The following DLL1 variants were observed in gnomAD, a reference collection of about 807,000 sequenced individuals.
The protein encoded by DLL1 is delta like canonical Notch ligand 1, also known as delta-like protein 1.
DLL1 carries 9 observed loss-of-function variants against 75.1 expected under a neutral mutation model. The ratio of observed to expected loss-of-function variants is 0.12; its 90% CI spans 0.07 to 0.21. The LOEUF is 0.21. Ranked by LOEUF, DLL1 falls within the 10% of genes least tolerant of loss-of-function variation. The pLI is 1.00. For synonymous variants in DLL1, 477 were observed against 418.3 expected, an observed-to-expected ratio of 1.14 and a Z score of -1.71; for missense variants, 837 against 1,007.6, an observed-to-expected ratio of 0.83 and a Z score of 2.29.
In DLL1 at chr6:170,290,221, C is replaced by T; in HGVS notation, c.-82G>A. Reference sequence around the variant, plus strand: ...GGCGGACGCGCGGGGGATCGATGGGCCACGGGGAGCGTGGGCAGAAAAGCG... The same window carrying T: ...GGCGGACGCGCGGGGGATCGATGGGTCACGGGGAGCGTGGGCAGAAAAGCG... On this transcript the variant is annotated 5_prime_UTR_variant, in exon 1 of 11. Coordinates refer to ENST00000366756, the MANE Select transcript of DLL1 (RefSeq NM_005618.4). This position sits in a 1 kb window ranked among gnomAD's most constrained non-coding sequence, Gnocchi z 4.7. 6.5e-7 allele frequency: 1 copy of T among 1,527,582 alleles called. No individual in the cohort carries two copies. The highest frequency in any genetic ancestry group is 1.2e-5 in the South Asian group (1 of 85,988). The allele number at this position is 1,527,582 out of a possible 1,614,324, so 94.6% of individuals were successfully genotyped here.
Position 170,289,747 on chromosome 6 carries a change from A to C in DLL1, c.116T>G (p.Leu39Arg). ...LQEFVNKKGL[L>R]GNRNCCRGGA... ...CCCGCGGCAGCAGTTGCGGTTCCCC[A>C]GCAGCCCCTTCTTGTTGACGAACTC... The change falls in exon 2 of 11, where the codon CTG becomes CGG. Residue 39 changes from leucine (L) to arginine (R), a missense_variant. By Grantham distance (102) the Leu-to-Arg change is moderately radical. This residue lies in a region of DLL1 where 304 missense variants were observed against 461.9 expected (regional missense o/e 0.66). Transcript: ENST00000366756. 1 of 1,552,668 alleles carries C rather than the reference A, an allele frequency of 6.4e-7. No homozygotes were observed. Among genetic ancestry groups the C allele is most frequent in the South Asian group, 1.2e-5 (1 of 84,272 alleles).
intron 4 of DLL1, 150 bp downstream of exon 4, chr6:170,288,089 T>A (rs1783745692): frequency 3.4e-6 from 4 of 1,187,560 alleles, no homozygotes; most frequent in East Asian, 5.2e-5. Flanking sequence ...AGCTGTGACT[T>A]ATAGCAATCC....
At chr6:170,284,406 A>G (rs1234226329) in intron 8 of DLL1, among the ~76,000 whole-genome samples, 2 of 151,498 alleles carry the variant, frequency 1.3e-5, no homozygotes, top group East Asian at 2.0e-4. Context: ...AGGAGCAGGC[A>G]CTGACAACAG....
At chr6:170,286,754 CCTCCCCCG>C (rs1783703512) in intron 4 of DLL1, among the ~76,000 whole-genome samples, 1 of 152,042 alleles carries the variant, frequency 6.6e-6, no homozygotes, top group African/African-American at 2.4e-5. Flanking sequence ...ACAATGCCGG[CCTCCCCCG>C]CGCCCCCGGC....
Position 170,283,232 on chromosome 6 carries a change from C to T in DLL1, c.2047G>A (p.Gly683Ser), listed in dbSNP as rs1167703052. 5 of 1,612,812 alleles carry T rather than the reference C, an allele frequency of 3.1e-6. No individual in the cohort carries two copies. Among genetic ancestry groups the T allele is most frequent in the Non-Finnish European group, 4.2e-6 (5 of 1,179,860 alleles). ...EEKGTPTTLRGGEASERKRPD... is the reference protein window; with the variant it reads ...EEKGTPTTLRSGEASERKRPD... ...TGATGCCCGGCCCGCAGCACGCACC[C>T]CCTGAGTGTGGTCGGGGTCCCCTTC... is the stretch of plus-strand genomic sequence containing the variant. The change falls in exon 9 of 11, where the codon GGT becomes AGT. Residue 683 changes from glycine (G) to serine (S), a missense_variant and splice_region_variant. Gly to Ser is a moderately conservative substitution (Grantham distance 56, BLOSUM62 0). Coordinates refer to ENST00000366756, the MANE Select transcript of DLL1 (RefSeq NM_005618.4).
In DLL1 at chr6:170,288,711, T is replaced by G. The variant is rs1320776926; in HGVS notation, c.412+18A>C. The G allele has an allele frequency of 2.8e-5, 45 of 1,613,800 alleles. No homozygotes were observed. Among genetic ancestry groups the G allele is most frequent in the Non-Finnish European group, 3.8e-5 (45 of 1,179,954 alleles). ...TTAACTGGGGAAAGCAGTTTTGGGG[T>G]TTGGGTTTTGTTTTTACCTGTTGCG... On this transcript the variant is annotated intron_variant, in intron 3 of 10. Coordinates refer to ENST00000366756, the MANE Select transcript of DLL1 (RefSeq NM_005618.4).
rs201096307 is a variant in DLL1 at position 170,283,398 on chromosome 6, G to A, written c.1881C>T (p.Ala627=). 6.5e-5 allele frequency: 105 copies of A among 1,610,182 alleles called. No individual in the cohort carries two copies. The highest frequency in any genetic ancestry group is 1.1e-4 in the East Asian group (5 of 44,876). The change falls in exon 9 of 11, where the codon GCC becomes GCT. Residue 627 remains alanine, a synonymous_variant. Coordinates refer to ENST00000366756, the MANE Select transcript of DLL1 (RefSeq NM_005618.4). The part of the protein sequence containing the change: ...KKADFHGDHS[A]DKNGFKARYP... ...AGCGGGCCTTGAAGCCATTCTTGTC[G>A]GCGCTGTGGTCCCCGTGGAAGTCCG...
At chr6:170,289,491 G>A (rs1368328605) in intron 2 of DLL1, 21 bp downstream of exon 2, 3 of 1,528,618 alleles carry the variant, frequency 2.0e-6, no homozygotes, top group Non-Finnish European at 2.6e-6. Context: ...CCGGCCCGGC[G>A]CGCGCAGGTG....
chr6:170,283,117 A>G lies in DLL1; in HGVS notation c.2049-12T>C, dbSNP rs774465122. The G allele has an allele frequency of 1.9e-5, 31 of 1,614,096 alleles. No individual in the cohort carries two copies. The South Asian group carries it at 3.0e-4, about 15-fold the overall frequency. Reference sequence around the variant, plus strand: ...CAGATGCTTCTCCACTAAAAGGAAAATAGAGAAAATCCACAATGAATGCAT... The same window carrying G: ...CAGATGCTTCTCCACTAAAAGGAAAGTAGAGAAAATCCACAATGAATGCAT... On this transcript the variant is annotated splice_polypyrimidine_tract_variant and intron_variant, in intron 9 of 10. Transcript: ENST00000366756.
rs1430499638 is a variant in DLL1 at position 170,290,590 on chromosome 6, C to G, written c.-451G>C. On this transcript the variant is annotated 5_prime_UTR_variant, in exon 1 of 11. Transcript: ENST00000366756. This position sits in a 1 kb window ranked among gnomAD's most constrained non-coding sequence, Gnocchi z 4.7. ...CTTCCTCCCGAGCCGATTAGAAAGC[C>G]GCGGTCTGGAAATCCCACGGGCAAG... 4.1e-6 allele frequency: 1 copy of G among 241,884 alleles called. No homozygotes were observed. The highest frequency in any genetic ancestry group is 2.3e-5 in the African/African-American group (1 of 43,214). The allele number at this position is 241,884 out of a possible 1,614,324, so 15.0% of individuals were successfully genotyped here.
chr6:170,288,557 C>A, intron 3 of DLL1, 61 bp from the exon 4 acceptor site: 1 of 1,613,818 alleles, frequency 6.2e-7, no homozygotes, highest in Non-Finnish European at 8.5e-7. Context: ...CGGGACAGAG[C>A]GGGGGTGGGC....
intron 8 of DLL1, among the ~76,000 whole-genome samples, 160 bp from the exon 9 acceptor site, chr6:170,284,189 C>A (rs1027253666): frequency 2.6e-5 from 4 of 152,222 alleles, no homozygotes; most frequent in African/African-American, 9.6e-5. Context: ...TGGTTTAGGA[C>A]CTCAAATACG....
In DLL1 at chr6:170,288,228, C is replaced by T. The variant is rs747299611; in HGVS notation, c.670+11G>A. On this transcript the variant is annotated intron_variant, in intron 4 of 10. Transcript: ENST00000366756. ...GACGAGTGAGCCAGCGGTGCCTTCC[C>T]AGAGACTCACGCTCTGTGCAGTAGG... 2 of 1,613,770 alleles carry T rather than the reference C, an allele frequency of 1.2e-6. No homozygotes were observed. The highest frequency in any genetic ancestry group is 1.7e-6 in the Non-Finnish European group (2 of 1,180,026).
chr6:170,283,403 T>C lies in DLL1; in HGVS notation c.1876A>G (p.Ser626Gly). The C allele has an allele frequency of 6.2e-7, 1 of 1,611,238 alleles. No homozygotes were observed. Among genetic ancestry groups the C allele is most frequent in the Non-Finnish European group, 8.5e-7 (1 of 1,180,016 alleles). ...GCCTTGAAGCCATTCTTGTCGGCGC[T>C]GTGGTCCCCGTGGAAGTCCGCCTTC... ...NKKADFHGDH[S>G]ADKNGFKARY... Residue 626 changes from serine (S) to glycine (G), a missense_variant, in exon 9 of 11, where the codon AGC (serine) becomes GGC (glycine). By Grantham distance (56) the Ser-to-Gly change is moderately conservative. Around this residue, in one of 2 missense-constraint regions of DLL1, gnomAD observed 533 missense variants for 545.7 expected, o/e 0.98. Coordinates refer to ENST00000366756, the MANE Select transcript of DLL1 (RefSeq NM_005618.4).
rs1395615844 is a variant in DLL1 at position 170,290,062 on chromosome 6, C to G, written c.54+24G>C. The G allele has an allele frequency of 2.5e-6, 4 of 1,569,836 alleles. No individual in the cohort carries two copies. The highest frequency in any genetic ancestry group is 3.4e-6 in the Non-Finnish European group (4 of 1,167,452). On this transcript the variant is annotated intron_variant, in intron 1 of 10. Transcript: ENST00000366756. This position sits in a 1 kb window ranked among gnomAD's most constrained non-coding sequence, Gnocchi z 4.7. ...CTACCCGTGAGACCCCGCGGGGCCG[C>G]GGCGCCCCCACCTGCCCGCCTACCT...
chr6:170,282,608 A>T lies in DLL1; in HGVS notation c.*266T>A. 1 of 598,846 alleles carries T rather than the reference A, an allele frequency of 1.7e-6. No individual in the cohort carries two copies. The highest frequency in any genetic ancestry group is 2.9e-5 in the Admixed American group (1 of 33,968). 37.1% of individuals were successfully genotyped at this position (598,846 alleles called of 1,614,324 possible). On this transcript the variant is annotated 3_prime_UTR_variant, in exon 11 of 11. Transcript: ENST00000366756. ...ATGCTTCTTATGCGTAATTCAGTTC[A>T]CCCATTTAAATATATATTCTCTTAA...
At chr6:170,289,200 C>T (rs561662143) in intron 2 of DLL1, 26 of 643,894 alleles carry the variant, frequency 4.0e-5, no homozygotes, top group Non-Finnish European at 3.9e-5. Context: ...GAAACCAGAA[C>T]CTTCCCACGT....
At chr6:170,285,192 A>G (rs1410403287) in intron 7 of DLL1, 57 bp from the exon 8 acceptor site, 8 of 1,613,654 alleles carry the variant, frequency 5.0e-6, no homozygotes, top group Non-Finnish European at 6.8e-6. Flanking sequence ...GAGCCCACAC[A>G]CTCCATTCAA....
At position 170,282,690 on chromosome 6, in the gene DLL1, G is replaced by A. The variant is rs17860720; in HGVS notation, c.*184C>T. 7.0e-3 allele frequency: 6,567 copies of A among 937,340 alleles called. 48 individuals are homozygous for A. Among genetic ancestry groups the A allele is most frequent in the Non-Finnish European group, 8.0e-3 (4,701 of 590,814 alleles). 58.1% of individuals were successfully genotyped at this position (937,340 alleles called of 1,614,324 possible). A position where few individuals can be genotyped will look rare whatever the true frequency, so the allele number is the denominator to read the frequency against. ...ACGGAAGGCAGTGCCGCAGGCGGCC[G>A]GGCCGCGACAGGCTGTCGGCAGGCG... On this transcript the variant is annotated 3_prime_UTR_variant, in exon 11 of 11. Transcript: ENST00000366756.
Sources: allele counts gnomAD v4.1 joint callset (sites outside exome capture counted in the v4.1 genomes callset), GRCh38; gene constraint gnomAD v4.1.1; regional missense constraint gnomAD v4.1.1; non-coding constraint Gnocchi (gnomAD v3.1); transcripts MANE v1.5; gene names NCBI Gene and HGNC (gene_info 2026-07-23, HGNC 2026-07-21).